ST6GALNAC3: variants seen among roughly 807,000 people sequenced by gnomAD.
ST6GALNAC3 encodes the protein ST6 N-acetylgalactosaminide alpha-2,6-sialyltransferase 3.
A neutral mutation model predicts 32.7 loss-of-function variants in ST6GALNAC3; 25 were observed. That is an observed-to-expected ratio of 0.76 (90% CI 0.56 to 1.07). ST6GALNAC3 has a LOEUF of 1.07. Ranked by LOEUF, ST6GALNAC3 falls within the 50% of genes least tolerant of loss-of-function variation. The pLI is 0.00. For missense variants in ST6GALNAC3, 355 were observed against 382.4 expected (o/e 0.93, Z 0.60); for synonymous variants, 129 against 133.1 (o/e 0.97, Z 0.21).
At chr1:76,282,362 G>A (rs769154824) in intron 1 of ST6GALNAC3, among the ~76,000 whole-genome samples, 5 of 152,002 alleles carry the variant, frequency 3.3e-5, no homozygotes, top group African/African-American at 7.2e-5. Flanking sequence ...CATTACAAAT[G>A]CAATTATACT....
intron 3 of ST6GALNAC3, among the ~76,000 whole-genome samples, chr1:76,555,930 GT>G: frequency 6.6e-6 from 1 of 152,158 alleles, no homozygotes; most frequent in Non-Finnish European, 1.5e-5. Context: ...ATGATACTGT[GT>G]TTTTTAGTGT....
chr1:76,262,914 G>A (rs968147160), intron 1 of ST6GALNAC3, among the ~76,000 whole-genome samples: 7 of 152,124 alleles, frequency 4.6e-5, no homozygotes, highest in Non-Finnish European at 8.8e-5. Context: ...GGATGAAGAA[G>A]CACTTCCTTT....
At chr1:76,195,852 A>G (rs1009592841) in intron 1 of ST6GALNAC3, among the ~76,000 whole-genome samples, 3 of 152,044 alleles carry the variant, frequency 2.0e-5, no homozygotes, top group Non-Finnish European at 2.9e-5. Context: ...GTTGGACTGT[A>G]CAGTTCAAGA....
Position 76,432,047 on chromosome 1 carries a change from C to G in ST6GALNAC3, c.623+19630C>G, listed in dbSNP as rs553378405. The stretch of plus-strand genomic sequence containing the variant: ...ATCTTTTTACTTTCTAATTGTTTTG[C>G]CTTTTCTAGAATGTCATATACTTGG... On this transcript the variant is annotated intron_variant, in intron 3 of 4. Coordinates refer to ENST00000328299, the MANE Select transcript of ST6GALNAC3 (RefSeq NM_152996.4). Among the ~76,000 whole-genome samples the G allele has an allele frequency of 1.6e-4, 24 of 152,232 alleles. No homozygotes were observed. In the South Asian group the frequency reaches 4.8e-3, roughly 30 times the overall value.
chr1:76,459,670 T>C (rs1658145206), intron 3 of ST6GALNAC3, among the ~76,000 whole-genome samples: 1 of 152,160 alleles, frequency 6.6e-6, no homozygotes, highest in Non-Finnish European at 1.5e-5. Flanking sequence ...CAGTGAAAAT[T>C]GCCAGGGGAG....
intron 3 of ST6GALNAC3, among the ~76,000 whole-genome samples, chr1:76,434,779 T>TC (rs1307329582): frequency 3.4e-5 from 5 of 147,228 alleles, no homozygotes; most frequent in African/African-American, 7.5e-5. Flanking sequence ...CCTTTTTTTT[T>TC]CTCTGTTTTT....
At chr1:76,291,140 G>A (rs1660060017) in intron 1 of ST6GALNAC3, among the ~76,000 whole-genome samples, 1 of 152,248 alleles carries the variant, frequency 6.6e-6, no homozygotes, top group East Asian at 1.9e-4. Flanking sequence ...TGAAAATAAA[G>A]TGGTTCCTGG....
intron 3 of ST6GALNAC3, among the ~76,000 whole-genome samples, chr1:76,557,273 C>A (rs1664984754): frequency 6.6e-6 from 1 of 151,926 alleles, no homozygotes; most frequent in Non-Finnish European, 1.5e-5. Context: ...TTTTGATTAC[C>A]ATAACTTTGT....
chr1:76,554,643 T>G (rs1346209664), intron 3 of ST6GALNAC3, among the ~76,000 whole-genome samples: 8 of 152,162 alleles, frequency 5.3e-5, no homozygotes, highest in Admixed American at 5.2e-4. Context: ...TTGTTATATA[T>G]AGTTTCCTAA....
chr1:76,440,286 A>T (rs751021280), intron 3 of ST6GALNAC3, among the ~76,000 whole-genome samples: 1 of 152,238 alleles, frequency 6.6e-6, no homozygotes, highest in East Asian at 1.9e-4. Context: ...CAGAAAGGGC[A>T]TATGTGTCAG....
chr1:76,471,867 C>CT (rs35150035), intron 3 of ST6GALNAC3, among the ~76,000 whole-genome samples: 118 of 143,838 alleles, frequency 8.2e-4, no homozygotes, highest in East Asian at 1.4e-3. Flanking sequence ...TTTGGGTCCC[C>CT]TTTTTTTTTT....
At chr1:76,155,155 G>A (rs764228487) in intron 1 of ST6GALNAC3, among the ~76,000 whole-genome samples, 1 of 152,060 alleles carries the variant, frequency 6.6e-6, no homozygotes, top group Non-Finnish European at 1.5e-5. Flanking sequence ...CTTGGTACAG[G>A]GTCTAGAAGT....
At chr1:76,085,729 C>T (rs1370598299) in intron 1 of ST6GALNAC3, among the ~76,000 whole-genome samples, 1 of 152,196 alleles carries the variant, frequency 6.6e-6, no homozygotes, top group Non-Finnish European at 1.5e-5. Context: ...ACTAGCACTG[C>T]ACATCTGGGA....
At chr1:76,190,232 A>G (rs1350141919) in intron 1 of ST6GALNAC3, among the ~76,000 whole-genome samples, 2 of 152,148 alleles carry the variant, frequency 1.3e-5, no homozygotes, top group Non-Finnish European at 2.9e-5. Flanking sequence ...CTACCCTAAT[A>G]GATAGGAGGG....
At chr1:76,271,051 AT>A (rs1658816036) in intron 1 of ST6GALNAC3, among the ~76,000 whole-genome samples, 1 of 152,154 alleles carries the variant, frequency 6.6e-6, no homozygotes, top group Non-Finnish European at 1.5e-5. Context: ...CTGGGCCTGC[AT>A]TTGGGACTGG....
At chr1:76,104,767 A>T (rs545735457) in intron 1 of ST6GALNAC3, among the ~76,000 whole-genome samples, 2 of 152,262 alleles carry the variant, frequency 1.3e-5, no homozygotes, top group East Asian at 1.9e-4. Flanking sequence ...AAAAAGGTTT[A>T]TTGGACTTAC....
intron 1 of ST6GALNAC3, among the ~76,000 whole-genome samples, chr1:76,305,343 G>A (rs1034999842): frequency 2.0e-5 from 3 of 152,096 alleles, no homozygotes; most frequent in Non-Finnish European, 4.4e-5. Flanking sequence ...TGAAGAAGAT[G>A]TGATATAGTA....
chr1:76,355,492 C>G (rs923361559), intron 2 of ST6GALNAC3, among the ~76,000 whole-genome samples: 1 of 152,082 alleles, frequency 6.6e-6, no homozygotes, highest in Non-Finnish European at 1.5e-5. Flanking sequence ...TCTCTACCAA[C>G]GAAGAAAATG....
intron 3 of ST6GALNAC3, among the ~76,000 whole-genome samples, chr1:76,589,899 C>T (rs758443440): frequency 2.0e-5 from 3 of 151,974 alleles, no homozygotes; most frequent in Non-Finnish European, 4.4e-5. Flanking sequence ...CAACAATCGT[C>T]CTTACATTCT....
Sources: gnomAD v4.1 joint callset for allele counts (sites outside exome capture counted in the v4.1 genomes callset) on GRCh38, gnomAD v4.1.1 for gene constraint, MANE v1.5 for transcripts, NCBI Gene and HGNC (gene_info 2026-07-23, HGNC 2026-07-21) for gene names.